AP1S3: variants seen among roughly 807,000 people sequenced by gnomAD.
The protein encoded by AP1S3 is AP-1 complex subunit sigma-3.
Under a neutral mutation model 20.9 loss-of-function variants are expected in AP1S3, and 10 were observed. That is an observed-to-expected ratio of 0.48 (90% CI 0.29 to 0.81). AP1S3 has a LOEUF of 0.81. AP1S3 is among the 30% of genes least tolerant of loss of function. The pLI is 0.08. For synonymous variants in AP1S3, 41 were observed against 61.5 expected, an observed-to-expected ratio of 0.67 and a Z score of 1.56; for missense variants, 154 against 183.8, an observed-to-expected ratio of 0.84 and a Z score of 0.94.
intron 1 of AP1S3, among the ~76,000 whole-genome samples, chr2:223,825,877 T>C (rs10185653): frequency 0.48 from 73,449 of 151,514 alleles, 17,848 homozygotes; most frequent in Middle Eastern, 0.57. Flanking sequence ...ATTAGTCAGG[T>C]GTGGTGGCGG....
chr2:223,793,804 C>A (rs542762421), intron 1 of AP1S3, among the ~76,000 whole-genome samples: 29 of 151,710 alleles, frequency 1.9e-4, no homozygotes, highest in African/African-American at 6.8e-4. Context: ...CCACCTAATA[C>A]GTTTTTTTTT....
At chr2:223,821,636 G>T (rs1691988268) in intron 1 of AP1S3, among the ~76,000 whole-genome samples, 1 of 152,116 alleles carries the variant, frequency 6.6e-6, no homozygotes, top group Non-Finnish European at 1.5e-5. Context: ...AGATTCGTGA[G>T]CAATGCAGCC....
At chr2:223,819,641 A>G (rs1390573842) in intron 1 of AP1S3, among the ~76,000 whole-genome samples, 5 of 151,866 alleles carry the variant, frequency 3.3e-5, no homozygotes, top group Non-Finnish European at 7.4e-5. Context: ...TGATTATCTA[A>G]TTTCACAGTT....
At chr2:223,804,833 G>A (rs79361705) in intron 1 of AP1S3, among the ~76,000 whole-genome samples, 1,978 of 152,216 alleles carry the variant, frequency 0.013, 48 homozygotes, top group African/African-American at 0.043. Context: ...ATGTTTGGGC[G>A]TCCAGTTCAA....
intron 3 of AP1S3, among the ~76,000 whole-genome samples, 187 bp from the exon 4 acceptor site, chr2:223,765,537 C>G (rs1690456949): frequency 2.0e-5 from 3 of 152,114 alleles, no homozygotes. Flanking sequence ...ATGCTACATT[C>G]TATTAAAGCA....
At chr2:223,793,974 T>G (rs1332955242) in intron 1 of AP1S3, among the ~76,000 whole-genome samples, 1 of 152,144 alleles carries the variant, frequency 6.6e-6, no homozygotes, top group Non-Finnish European at 1.5e-5. Flanking sequence ...GATTGATAGT[T>G]TTTGCTGATT....
At chr2:223,777,134 G>A (rs914366760) in intron 2 of AP1S3, among the ~76,000 whole-genome samples, 1 of 151,898 alleles carries the variant, frequency 6.6e-6, no homozygotes. Flanking sequence ...GATGGCTCAC[G>A]CCTGTAATCC....
intron 1 of AP1S3, among the ~76,000 whole-genome samples, chr2:223,789,217 G>C (rs1574704607): frequency 6.6e-6 from 1 of 150,586 alleles, no homozygotes; most frequent in Admixed American, 6.6e-5. Flanking sequence ...CACACACACA[G>C]AGTATACTCA....
At chr2:223,803,302 CTT>C (rs1166566954) in intron 1 of AP1S3, among the ~76,000 whole-genome samples, 2 of 152,116 alleles carry the variant, frequency 1.3e-5, no homozygotes, top group Non-Finnish European at 2.9e-5. Context: ...AATTTTTTAA[CTT>C]ATATGCAAGA....
At chr2:223,800,631 T>C (rs1161094898) in intron 1 of AP1S3, among the ~76,000 whole-genome samples, 1 of 152,062 alleles carries the variant, frequency 6.6e-6, no homozygotes, top group Non-Finnish European at 1.5e-5. Flanking sequence ...TTGAGAAAAC[T>C]GAACATCAAT....
chr2:223,772,941 G>T (rs1690668250), intron 3 of AP1S3, among the ~76,000 whole-genome samples: 1 of 152,174 alleles, frequency 6.6e-6, no homozygotes, highest in Admixed American at 6.6e-5. Context: ...ATATAGCCTT[G>T]AATTGCTCTT....
chr2:223,811,088 A>G (rs1691713256), intron 1 of AP1S3, among the ~76,000 whole-genome samples: 1 of 137,592 alleles, frequency 7.3e-6, no homozygotes, highest in South Asian at 2.3e-4. Flanking sequence ...GAAATTTACC[A>G]TCTTCACCTT....
chr2:223,815,688 T>C (rs1478777113), intron 1 of AP1S3, among the ~76,000 whole-genome samples: 1 of 152,256 alleles, frequency 6.6e-6, no homozygotes, highest in African/African-American at 2.4e-5. Flanking sequence ...CAGTACTCTG[T>C]ATTCCACAGA....
chr2:223,785,825 G>C (rs557287583), intron 1 of AP1S3, among the ~76,000 whole-genome samples: 1 of 152,314 alleles, frequency 6.6e-6, no homozygotes, highest in African/African-American at 2.4e-5. Flanking sequence ...TACTATAATG[G>C]TGGATCCGTG....
chr2:223,781,133 C>T (rs1277031201), intron 1 of AP1S3, among the ~76,000 whole-genome samples: 1 of 152,058 alleles, frequency 6.6e-6, no homozygotes, highest in African/African-American at 2.4e-5. Context: ...CTTTTTTATG[C>T]TGTGTAGTAT....
chr2:223,829,409 C>T (rs1364012604), intron 1 of AP1S3, among the ~76,000 whole-genome samples: 2 of 151,976 alleles, frequency 1.3e-5, no homozygotes, highest in African/African-American at 4.8e-5. Flanking sequence ...GGAGGATCAC[C>T]TGAGGTCAGG....
rs77040821 is a variant in AP1S3, at chr2:223,817,991, C to A, written c.3+19457G>T. Among the ~76,000 whole-genome samples, 211 of 152,042 alleles carry A rather than the reference C, an allele frequency of 1.4e-3. 3 individuals carry two copies. The East Asian group carries it at 0.036, about 26-fold the overall frequency. ...TTTATATACATTATATTGTTTAATC[C>A]ACAAATCTAGGCAATGTGTCATATT... On this transcript the variant is annotated intron_variant, in intron 1 of 4. Transcript: ENST00000396654.
At chr2:223,801,737 C>T (rs1691472543) in intron 1 of AP1S3, among the ~76,000 whole-genome samples, 1 of 152,132 alleles carries the variant, frequency 6.6e-6, no homozygotes, top group Non-Finnish European at 1.5e-5. Context: ...AGCCACTGCA[C>T]CCGGCCCATG....
chr2:223,812,122 A>G (rs1691744860), intron 1 of AP1S3, among the ~76,000 whole-genome samples: 2 of 152,244 alleles, frequency 1.3e-5, no homozygotes, highest in South Asian at 4.1e-4. Flanking sequence ...TACTTCTCAG[A>G]AGCCAAATAT....
Sources: allele counts gnomAD v4.1 joint callset (sites outside exome capture counted in the v4.1 genomes callset), GRCh38; gene constraint gnomAD v4.1.1; transcripts MANE v1.5; gene names NCBI Gene and HGNC (gene_info 2026-07-23, HGNC 2026-07-21).